The following C15orf61 variants were observed in gnomAD, a reference collection of about 807,000 sequenced individuals.
C15orf61 encodes uncharacterized protein C15orf61.
In C15orf61, 12 loss-of-function variants were observed where a neutral mutation model predicts 13.7. That is an observed-to-expected ratio of 0.88 (90% confidence interval 0.56 to 1.42). The LOEUF is 1.42. C15orf61 is among the 40% of genes most tolerant of loss of function. The pLI is 0.00. For missense variants in C15orf61, 248 were observed against 213.2 expected (o/e 1.16, Z -1.02); for synonymous variants, 92 against 94.1 (o/e 0.98, Z 0.13).
In C15orf61 at chr15:67,528,151, A is replaced by C. The variant is rs1315045672; in HGVS notation, c.*1606A>C. 6.6e-6 allele frequency: 1 copy of C among 152,242 alleles called. No individual in the cohort carries two copies. The highest frequency in any genetic ancestry group is 1.5e-5 in the Non-Finnish European group (1 of 68,042). The allele number at this position is 152,242 out of a possible 1,614,324, so 9.4% of individuals were successfully genotyped here. On this transcript the variant is annotated 3_prime_UTR_variant, in exon 2 of 2. Transcript: ENST00000342683. ...CACAAGGCTGATAAAATGGTCTTTA[A>C]TTACCAGACTATAAATACAGCTTTT... is the stretch of plus-strand genomic sequence containing the variant.
rs2084207818 is a variant in C15orf61, at chr15:67,528,003, C to A, written c.*1458C>A. The stretch of plus-strand genomic sequence containing the variant: ...GGCTATTAGCATTTTGCAGGGAAGG[C>A]TAGAACTGATTTCCTCTGTAATGGG... On this transcript the variant is annotated 3_prime_UTR_variant, in exon 2 of 2. Transcript: ENST00000342683. 1 of 152,174 alleles carries A rather than the reference C, an allele frequency of 6.6e-6. No homozygotes were observed. The highest frequency in any genetic ancestry group is 2.4e-5 in the African/African-American group (1 of 41,446). The allele number at this position is 152,174 out of a possible 1,614,324, so 9.4% of individuals were successfully genotyped here. A position where few individuals can be genotyped will look rare whatever the true frequency, so the allele number is the denominator to read the frequency against.
intron 1 of C15orf61, among the ~76,000 whole-genome samples, chr15:67,523,658 A>T (rs912841314): frequency 6.6e-6 from 1 of 152,222 alleles, no homozygotes; most frequent in African/African-American, 2.4e-5. Flanking sequence ...GTGAATTATT[A>T]TGCAAAGAAC....
Position 67,521,591 on chromosome 15 carries a change from C to T in C15orf61, c.343C>T (p.Leu115Phe). Residue 115 changes from leucine (L) to phenylalanine (F), a missense_variant, in exon 1 of 2, where the codon CTC becomes TTC. Coordinates refer to ENST00000342683, the MANE Select transcript of C15orf61 (RefSeq NM_001143936.2). Reference protein sequence around the residue: ...RFFTALKVVNLGIPTLLYGLG... With the variant: ...RFFTALKVVNFGIPTLLYGLG... ...CTTCACGGCGCTCAAGGTCGTCAAC[C>T]TCGGTGAGTGGCGACTGCCGCGCCC... is the stretch of plus-strand genomic sequence containing the variant. 1 of 1,522,710 alleles carries T rather than the reference C, an allele frequency of 6.6e-7. No homozygotes were observed. 94.3% of individuals were successfully genotyped at this position (1,522,710 alleles called of 1,614,324 possible).
Position 67,521,191 on chromosome 15 carries a change from G to T in C15orf61, c.-58G>T, listed in dbSNP as rs1267685185. On this transcript the variant is annotated 5_prime_UTR_variant, in exon 1 of 2. Coordinates refer to ENST00000342683, the MANE Select transcript of C15orf61 (RefSeq NM_001143936.2). ...TTGGCCTTCCCGGCGCTCGCCCGGGGGCGCGCTTGCGCGCCAGCGGCTGCG... is the reference window on the plus strand; with the variant it reads ...TTGGCCTTCCCGGCGCTCGCCCGGGTGCGCGCTTGCGCGCCAGCGGCTGCG... The T allele has an allele frequency of 8.8e-7, 1 of 1,133,948 alleles. No individual in the cohort carries two copies. The allele number at this position is 1,133,948 out of a possible 1,614,324, so 70.2% of individuals were successfully genotyped here.
intron 1 of C15orf61, chr15:67,522,301 G>T: frequency 2.9e-6 from 2 of 688,554 alleles, no homozygotes; most frequent in Non-Finnish European, 5.2e-6. Context: ...AAGGCCTCAA[G>T]ATGTTTTGAA....
At chr15:67,526,386 T>C (rs181999571) in intron 1 of C15orf61, 32 bp from the exon 2 acceptor site, 3 of 1,410,544 alleles carry the variant, frequency 2.1e-6, no homozygotes, top group Admixed American at 4.4e-5. Flanking sequence ...TTAATAAGCA[T>C]TGATGTTTAT....
chr15:67,522,040 T>C (rs2084169124), intron 1 of C15orf61: 3 of 700,186 alleles, frequency 4.3e-6, no homozygotes, highest in Non-Finnish European at 7.8e-6. Flanking sequence ...TAAGTTTCTT[T>C]TGTTTTCTTT....
intron 1 of C15orf61, 21 bp from the exon 2 acceptor site, chr15:67,526,397 A>C: frequency 6.8e-7 from 1 of 1,464,672 alleles, no homozygotes. Flanking sequence ...TGATGTTTAT[A>C]CATATTCGTT....
In C15orf61 at chr15:67,526,576, G is replaced by C; in HGVS notation, c.*31G>C. 6.8e-7 allele frequency: 1 copy of C among 1,474,166 alleles called. No homozygotes were observed. The highest frequency in any genetic ancestry group is 9.0e-7 in the Non-Finnish European group (1 of 1,105,454). The allele number at this position is 1,474,166 out of a possible 1,614,324, so 91.3% of individuals were successfully genotyped here. A position where few individuals can be genotyped will look rare whatever the true frequency, so the allele number is the denominator to read the frequency against. ...TGCGTCAAAGAACATAAATATCAGT[G>C]GATTTTCTCTGTGTATATGTGCAGT... On this transcript the variant is annotated 3_prime_UTR_variant, in exon 2 of 2. Coordinates refer to ENST00000342683, the MANE Select transcript of C15orf61 (RefSeq NM_001143936.2).
Position 67,529,620 on chromosome 15 carries a change from C to T in C15orf61, c.*3075C>T, listed in dbSNP as rs1170464315. 3 of 152,326 alleles carry T rather than the reference C, an allele frequency of 2.0e-5. No individual in the cohort carries two copies. Among genetic ancestry groups the T allele is most frequent in the East Asian group, 1.9e-4 (1 of 5,180 alleles). 9.4% of individuals were successfully genotyped at this position (152,326 alleles called of 1,614,324 possible). A position where few individuals can be genotyped will look rare whatever the true frequency, so the allele number is the denominator to read the frequency against. ...GTATTTTCTGTACAGACGGTTTCAC[C>T]ATGTTGGTCAGGCTGGTCTTGAACT... is the stretch of plus-strand genomic sequence containing the variant. On this transcript the variant is annotated 3_prime_UTR_variant, in exon 2 of 2. Coordinates refer to ENST00000342683, the MANE Select transcript of C15orf61 (RefSeq NM_001143936.2). This position sits in a 1 kb window ranked among gnomAD's most constrained non-coding sequence, Gnocchi z 4.4.
At position 67,526,581 on chromosome 15, in the gene C15orf61, TTC is replaced by T; in HGVS notation, c.*40_*41del. 6 of 1,481,652 alleles carry T rather than the reference TTC, an allele frequency of 4.0e-6. No individual in the cohort carries two copies. Among genetic ancestry groups the T allele is most frequent in the Non-Finnish European group, 5.4e-6 (6 of 1,107,802 alleles). The allele number at this position is 1,481,652 out of a possible 1,614,324, so 91.8% of individuals were successfully genotyped here. A position where few individuals can be genotyped will look rare whatever the true frequency, so the allele number is the denominator to read the frequency against. ...CAAAGAACATAAATATCAGTGGATT[TTC>T]TCTGTGTATATGTGCAGTATTTATT... On this transcript the variant is annotated 3_prime_UTR_variant, in exon 2 of 2. Transcript: ENST00000342683.
At position 67,521,189 on chromosome 15, in the gene C15orf61, G is replaced by A. The variant is rs1015191779; in HGVS notation, c.-60G>A. The A allele has an allele frequency of 3.6e-6, 4 of 1,124,268 alleles. No homozygotes were observed. The African/African-American group carries it at 4.9e-5, about 14-fold the overall frequency. The allele number at this position is 1,124,268 out of a possible 1,614,324, so 69.6% of individuals were successfully genotyped here. On this transcript the variant is annotated 5_prime_UTR_variant, in exon 1 of 2. Transcript: ENST00000342683. ...GGTTGGCCTTCCCGGCGCTCGCCCG[G>A]GGGCGCGCTTGCGCGCCAGCGGCTG...
intron 1 of C15orf61, among the ~76,000 whole-genome samples, chr15:67,524,837 G>GTTTTTTTTTTTT (rs374398669): frequency 1.6e-5 from 2 of 122,806 alleles, no homozygotes; most frequent in Non-Finnish European, 3.3e-5. Context: ...TTTTTTGTTT[G>GTTTTTTTTTTTT]TTTTTTTTTT....
chr15:67,522,230 A>G (rs1309065801), intron 1 of C15orf61: 1 of 700,888 alleles, frequency 1.4e-6, no homozygotes, highest in African/African-American at 1.7e-5. Context: ...TGGTTTAATG[A>G]CAGAAGAGGG....
In C15orf61 at chr15:67,529,388, G is replaced by A. The variant is rs1051606686; in HGVS notation, c.*2843G>A. Reference sequence around the variant, plus strand: ...AGTTATAGTTTACCACACATTTTGGGGCATTAATATTTTTCTAACGTTGAC... The same window carrying A: ...AGTTATAGTTTACCACACATTTTGGAGCATTAATATTTTTCTAACGTTGAC... On this transcript the variant is annotated 3_prime_UTR_variant, in exon 2 of 2. Coordinates refer to ENST00000342683, the MANE Select transcript of C15orf61 (RefSeq NM_001143936.2). This position sits in a 1 kb window ranked among gnomAD's most constrained non-coding sequence, Gnocchi z 4.4. The A allele has an allele frequency of 2.0e-4, 30 of 152,058 alleles. No individual in the cohort carries two copies. Among genetic ancestry groups the A allele is most frequent in the African/African-American group, 7.0e-4 (29 of 41,404 alleles). 9.4% of individuals were successfully genotyped at this position (152,058 alleles called of 1,614,324 possible). A position where few individuals can be genotyped will look rare whatever the true frequency, so the allele number is the denominator to read the frequency against.
rs902862833 is a variant in C15orf61, at chr15:67,523,206, G to A, written c.346+1612G>A. 6.5e-4 allele frequency among the ~76,000 whole-genome samples: 99 copies of A among 152,150 alleles called. 1 individual carries two copies. Among genetic ancestry groups the A allele is most frequent in the African/African-American group, 2.2e-3 (92 of 41,530 alleles). On this transcript the variant is annotated intron_variant, in intron 1 of 1. Transcript: ENST00000342683. Reference sequence around the variant, plus strand: ...ACAAATTGGGATATACTGATAAAGGGAATTAAAAAATATTTTAAAGTGGTG... The same window carrying A: ...ACAAATTGGGATATACTGATAAAGGAAATTAAAAAATATTTTAAAGTGGTG...
chr15:67,526,346 AGT>A (rs2084198536), intron 1 of C15orf61, 70 bp from the exon 2 acceptor site: 1 of 881,302 alleles, frequency 1.1e-6, no homozygotes, highest in East Asian at 2.9e-5. Context: ...ATTGCTGAAG[AGT>A]GTTATACGTG....
Position 67,526,426 on chromosome 15 carries a change from A to C in C15orf61, c.355A>C (p.Thr119Pro), listed in dbSNP as rs1000910884. 5 of 1,525,384 alleles carry C rather than the reference A, an allele frequency of 3.3e-6. No homozygotes were observed. In the African/African-American group the frequency reaches 6.9e-5, roughly 21 times the overall value. The allele number at this position is 1,525,384 out of a possible 1,614,324, so 94.5% of individuals were successfully genotyped here. Residue 119 changes from threonine (T) to proline (P), a missense_variant, in exon 2 of 2, where the codon ACT (threonine) becomes CCT (proline). By Grantham distance (38) the Thr-to-Pro change is conservative (BLOSUM62 -1). Transcript: ENST00000342683. ...ALKVVNLGIPTLLYGLGSWLF... is the reference protein window; with the variant it reads ...ALKVVNLGIPPLLYGLGSWLF... ...ATTCGTTTGTTTTCTAGGTATTCCA[A>C]CTTTATTATATGGACTTGGCTCCTG...
chr15:67,524,230 AT>A (rs1232084724), intron 1 of C15orf61, among the ~76,000 whole-genome samples: 6 of 151,774 alleles, frequency 4.0e-5, no homozygotes, highest in South Asian at 2.1e-4. Context: ...TCTAGAGCCT[AT>A]TTTTTTTCTT....
Sources: gnomAD v4.1 joint callset for allele counts (sites outside exome capture counted in the v4.1 genomes callset) on GRCh38, gnomAD v4.1.1 for gene constraint, Gnocchi (gnomAD v3.1) non-coding constraint, MANE v1.5 for transcripts, NCBI Gene and HGNC (gene_info 2026-07-23, HGNC 2026-07-21) for gene names.